The following SGCZ variants were observed in gnomAD, a reference collection of about 807,000 sequenced individuals.
The protein encoded by SGCZ is sarcoglycan zeta.
SGCZ carries 40 observed loss-of-function variants against 41.3 expected under a neutral mutation model. That is an observed-to-expected ratio of 0.97 (90% CI 0.75 to 1.26). SGCZ has a LOEUF of 1.26. SGCZ is among the 50% of genes most tolerant of loss of function. The probability of loss-of-function intolerance (pLI) is 0.00; values close to 1 mark genes in which losing one functional copy is unlikely to be tolerated. For missense variants in SGCZ, 552 were observed against 369.8 expected (o/e 1.49, Z -4.04); for synonymous variants, 206 against 137.5 (o/e 1.50, Z -3.49).
At chr8:15,159,960 G>A (rs930028993) in intron 1 of SGCZ, among the ~76,000 whole-genome samples, 5 of 151,930 alleles carry the variant, frequency 3.3e-5, no homozygotes, top group African/African-American at 9.7e-5. Flanking sequence ...CATTATAGAC[G>A]AGTAGGAGAC....
At chr8:14,152,388 G>A (rs1382037782) in intron 5 of SGCZ, among the ~76,000 whole-genome samples, 1 of 152,178 alleles carries the variant, frequency 6.6e-6, no homozygotes, top group African/African-American at 2.4e-5. Context: ...AATGAGTTAG[G>A]CAAGGTGACA....
intron 3 of SGCZ, among the ~76,000 whole-genome samples, chr8:14,270,683 A>T (rs564271353): frequency 1.2e-4 from 18 of 152,276 alleles, no homozygotes; most frequent in African/African-American, 3.8e-4. Flanking sequence ...CTTTCATAAG[A>T]AATGATGTAT....
At chr8:14,241,222 G>A (rs1030102422) in intron 3 of SGCZ, among the ~76,000 whole-genome samples, 4 of 151,860 alleles carry the variant, frequency 2.6e-5, no homozygotes, top group Admixed American at 1.3e-4. Flanking sequence ...TTTTGAAAGC[G>A]AATATGTGGT....
At chr8:14,611,179 ATACT>A (rs1350171197) in intron 1 of SGCZ, among the ~76,000 whole-genome samples, 13 of 152,158 alleles carry the variant, frequency 8.5e-5, no homozygotes, top group African/African-American at 2.9e-4. Context: ...CTCAAAAGTG[ATACT>A]TACTTTGCTC....
chr8:14,775,141 G>A lies in SGCZ; in HGVS notation c.40-220215C>T, dbSNP rs2256548. On this transcript the variant is annotated intron_variant, in intron 1 of 7. Coordinates refer to ENST00000382080, the MANE Select transcript of SGCZ (RefSeq NM_139167.4). The stretch of plus-strand genomic sequence containing the variant: ...CTTGGCTAGTTACAACTTCAGCTAG[G>A]TCTTATGCCTCTCAAACATTACATT... 8.3e-3 allele frequency among the ~76,000 whole-genome samples: 1,264 copies of A among 152,198 alleles called. 24 individuals are homozygous for A. The highest frequency in any genetic ancestry group is 0.028 in the African/African-American group (1,181 of 41,522).
intron 1 of SGCZ, among the ~76,000 whole-genome samples, chr8:14,985,316 T>C (rs941900540): frequency 2.6e-5 from 4 of 152,138 alleles, no homozygotes; most frequent in African/African-American, 4.8e-5. Context: ...AGCATTGGTA[T>C]ACTCTCATGC....
chr8:14,318,413 A>G lies in SGCZ; in HGVS notation c.336+5690T>C, dbSNP rs369273749. 2.6e-5 allele frequency among the ~76,000 whole-genome samples: 4 copies of G among 151,960 alleles called. No homozygotes were observed. The East Asian group carries it at 7.7e-4, about 29-fold the overall frequency. On this transcript the variant is annotated intron_variant, in intron 3 of 7. Coordinates refer to ENST00000382080, the MANE Select transcript of SGCZ (RefSeq NM_139167.4). ...TACAAGTTTATGATATAAAACATAA[A>G]AAGCAGAAGTCAAAAAAAAGATTAT...
chr8:14,139,836 G>A (rs1585170929), intron 5 of SGCZ, among the ~76,000 whole-genome samples: 1 of 152,154 alleles, frequency 6.6e-6, no homozygotes, highest in East Asian at 1.9e-4. Context: ...CTCATGTTAT[G>A]AGGCCAGCAT....
At chr8:14,331,863 A>T (rs185802396) in intron 2 of SGCZ, among the ~76,000 whole-genome samples, 1,699 of 151,910 alleles carry the variant, frequency 0.011, 27 homozygotes, top group African/African-American at 0.038. Flanking sequence ...TGATAAAAAA[A>T]TTTTCATTTG....
At chr8:14,658,419 C>T (rs778716519) in intron 1 of SGCZ, among the ~76,000 whole-genome samples, 15 of 152,080 alleles carry the variant, frequency 9.9e-5, no homozygotes, top group Non-Finnish European at 2.1e-4. Context: ...GATCACTTTG[C>T]TCCGTGCTTT....
chr8:14,236,658 C>A (rs1806774262), intron 4 of SGCZ, among the ~76,000 whole-genome samples: 2 of 151,492 alleles, frequency 1.3e-5, no homozygotes, highest in Non-Finnish European at 3.0e-5. Context: ...CATTCTCTCT[C>A]TCTCTATATA....
At chr8:14,617,804 G>A (rs1251396249) in intron 1 of SGCZ, among the ~76,000 whole-genome samples, 1 of 152,056 alleles carries the variant, frequency 6.6e-6, no homozygotes, top group Non-Finnish European at 1.5e-5. Flanking sequence ...GATAGTGCAT[G>A]TTGAAGAAGA....
chr8:14,762,782 G>T (rs537813871), intron 1 of SGCZ, among the ~76,000 whole-genome samples: 1 of 152,274 alleles, frequency 6.6e-6, no homozygotes, highest in East Asian at 1.9e-4. Context: ...TGAAATACAT[G>T]AAGAAGTATT....
At chr8:14,322,291 G>C (rs745347493) in intron 3 of SGCZ, among the ~76,000 whole-genome samples, 2 of 152,064 alleles carry the variant, frequency 1.3e-5, no homozygotes, top group African/African-American at 2.4e-5. Context: ...GACACAGGAA[G>C]GACCAGCATC....
chr8:14,325,790 A>C (rs1280077518), intron 2 of SGCZ, among the ~76,000 whole-genome samples: 2 of 127,404 alleles, frequency 1.6e-5, no homozygotes, highest in African/African-American at 3.0e-5. Context: ...ATATATATAT[A>C]TATCAACCAG....
At chr8:14,116,973 G>A (rs1322813924) in intron 5 of SGCZ, among the ~76,000 whole-genome samples, 2 of 151,958 alleles carry the variant, frequency 1.3e-5, no homozygotes, top group African/African-American at 4.8e-5. Context: ...AATTTATAAC[G>A]ATTAAAATTA....
intron 1 of SGCZ, among the ~76,000 whole-genome samples, chr8:14,721,520 A>G (rs1809886213): frequency 6.6e-6 from 1 of 152,148 alleles, no homozygotes; most frequent in Non-Finnish European, 1.5e-5. Flanking sequence ...CATATTTCAC[A>G]TCGGCCCATC....
intron 3 of SGCZ, among the ~76,000 whole-genome samples, chr8:14,282,963 C>T (rs1800499380): frequency 6.8e-6 from 1 of 146,282 alleles, no homozygotes; most frequent in African/African-American, 2.5e-5. Flanking sequence ...CATTCTCCTG[C>T]CTCAGCCTCC....
chr8:15,082,486 G>C (rs1335007529), intron 1 of SGCZ, among the ~76,000 whole-genome samples: 1 of 151,888 alleles, frequency 6.6e-6, no homozygotes, highest in Non-Finnish European at 1.5e-5. Context: ...AGAAATGGGG[G>C]AGGGTGGTGG....
Sources: gnomAD v4.1 joint callset for allele counts (sites outside exome capture counted in the v4.1 genomes callset) on GRCh38, gnomAD v4.1.1 for gene constraint, MANE v1.5 for transcripts, NCBI Gene and HGNC (gene_info 2026-07-23, HGNC 2026-07-21) for gene names.